Variants in AGBL4 observed in about 807,000 individuals in gnomAD.
The protein encoded by AGBL4 is cytosolic carboxypeptidase 6.
AGBL4 carries 58 observed loss-of-function variants against 66.4 expected under a neutral mutation model. The observed-to-expected ratio is 0.87, with a 90% CI of 0.71 to 1.09. The LOEUF is 1.09. Among genes scored for constraint, AGBL4 ranks in the 50% least tolerant of loss-of-function variants. The pLI is 0.00. For synonymous variants in AGBL4, 234 were observed against 222.9 expected (o/e 1.05, Z -0.44); for missense variants, 579 against 631.0 (o/e 0.92, Z 0.88).
rs548688440 is a variant in AGBL4 at position 48,660,622 on chromosome 1, T to G, written c.724+2530A>C. Among the ~76,000 whole-genome samples the G allele has an allele frequency of 2.0e-5, 3 of 152,140 alleles. No homozygotes were observed. The East Asian group carries it at 5.8e-4, about 29-fold the overall frequency. On this transcript the variant is annotated intron_variant, in intron 7 of 13. Transcript: ENST00000371839. The stretch of plus-strand genomic sequence containing the variant: ...TCAGTTCTGTATTGGTAAAGTGGGG[T>G]AATGATGCCTCTTACACTGCCTCAA...
At chr1:49,441,627 CT>C (rs1172459275) in intron 3 of AGBL4, among the ~76,000 whole-genome samples, 2 of 152,162 alleles carry the variant, frequency 1.3e-5, no homozygotes, top group Admixed American at 1.3e-4. Flanking sequence ...GCACCTGCAT[CT>C]TTGAAGAGCC....
chr1:49,831,317 C>T (rs957619347), intron 2 of AGBL4, among the ~76,000 whole-genome samples: 1 of 152,088 alleles, frequency 6.6e-6, no homozygotes, highest in East Asian at 1.9e-4. Context: ...TTGAAGAGGT[C>T]CTTCACATCC....
intron 3 of AGBL4, among the ~76,000 whole-genome samples, chr1:49,654,937 T>C (rs566326003): frequency 6.6e-6 from 1 of 152,328 alleles, no homozygotes; most frequent in Admixed American, 6.5e-5. Context: ...AGGTTCATAT[T>C]GTTATGTGTG....
rs530356453 is a variant in AGBL4, at chr1:49,928,788, A to G, written c.35-77270T>C. Among the ~76,000 whole-genome samples, 35 of 152,042 alleles carry G rather than the reference A, an allele frequency of 2.3e-4. 1 individual carries two copies. Among genetic ancestry groups the G allele is most frequent in the African/African-American group, 7.5e-4 (31 of 41,478 alleles). On this transcript the variant is annotated intron_variant, in intron 1 of 13. Transcript: ENST00000371839. ...TCAAAGAACCAACAGTTGACCCACCATTTGACCCTGTATCCCATTACCGGT... is the reference window on the plus strand; with the variant it reads ...TCAAAGAACCAACAGTTGACCCACCGTTTGACCCTGTATCCCATTACCGGT...
chr1:48,701,170 T>C (rs1035864400), intron 6 of AGBL4, among the ~76,000 whole-genome samples: 1 of 152,070 alleles, frequency 6.6e-6, no homozygotes, highest in Non-Finnish European at 1.5e-5. Flanking sequence ...CCTCAGTCCC[T>C]CCCCTTTAAG....
At chr1:48,526,736 T>C in the AGBL4 span, among the ~76,000 whole-genome samples, 3 of 151,780 alleles carry the variant, frequency 2.0e-5, no homozygotes, top group Non-Finnish European at 4.4e-5. Context: ...AGCAATGTTT[T>C]TACTAGTAGT....
intron 7 of AGBL4, among the ~76,000 whole-genome samples, chr1:48,659,765 A>G (rs2148451726): frequency 6.6e-6 from 1 of 152,340 alleles, no homozygotes; most frequent in South Asian, 2.1e-4. Flanking sequence ...ACCAGGTACA[A>G]AGTGCCTCAT....
At chr1:49,634,963 A>C (rs753997239) in intron 3 of AGBL4, among the ~76,000 whole-genome samples, 4 of 152,350 alleles carry the variant, frequency 2.6e-5, no homozygotes, top group Non-Finnish European at 5.9e-5. Flanking sequence ...AATTCCAAAG[A>C]GGCAACTTTC....
intron 6 of AGBL4, among the ~76,000 whole-genome samples, chr1:48,763,767 C>G (rs898151093): frequency 2.0e-5 from 3 of 152,168 alleles, no homozygotes; most frequent in Non-Finnish European, 4.4e-5. Flanking sequence ...AACCTCAGAT[C>G]ATCCGATTCT....
chr1:48,908,504 T>C (rs1311831960), intron 5 of AGBL4, among the ~76,000 whole-genome samples: 4 of 152,236 alleles, frequency 2.6e-5, no homozygotes, highest in Non-Finnish European at 4.4e-5. Context: ...ACAAATGTCT[T>C]GTTTATTCCA....
chr1:49,300,726 C>G (rs1000265018), intron 3 of AGBL4, among the ~76,000 whole-genome samples: 1 of 152,188 alleles, frequency 6.6e-6, no homozygotes. Context: ...CTGCATACCT[C>G]TCCAGATTAA....
chr1:48,710,872 A>G (rs1646955143), intron 6 of AGBL4, among the ~76,000 whole-genome samples: 1 of 152,136 alleles, frequency 6.6e-6, no homozygotes, highest in Non-Finnish European at 1.5e-5. Context: ...GATGGCTGGA[A>G]TTCGCCACCC....
At chr1:48,955,634 G>A (rs1171834655) in intron 5 of AGBL4, among the ~76,000 whole-genome samples, 3 of 152,036 alleles carry the variant, frequency 2.0e-5, no homozygotes, top group Non-Finnish European at 2.9e-5. Flanking sequence ...CCTCCCACCC[G>A]GGCCTCCAAA....
chr1:49,309,344 A>G (rs768695631), intron 3 of AGBL4, among the ~76,000 whole-genome samples: 2 of 152,160 alleles, frequency 1.3e-5, no homozygotes, highest in Non-Finnish European at 2.9e-5. Flanking sequence ...ATAAAAATGC[A>G]TACTTGCAGA....
chr1:49,659,056 A>T (rs983201001), intron 3 of AGBL4, among the ~76,000 whole-genome samples: 1 of 152,156 alleles, frequency 6.6e-6, no homozygotes, highest in African/African-American at 2.4e-5. Flanking sequence ...TGTATATCCA[A>T]CAAAACTAGC....
chr1:49,094,814 A>G (rs1351252036), intron 4 of AGBL4, among the ~76,000 whole-genome samples: 1 of 152,180 alleles, frequency 6.6e-6, no homozygotes, highest in Admixed American at 6.5e-5. Flanking sequence ...CCTATTCAAC[A>G]TAGTGTTGGA....
At chr1:48,690,644 C>T (rs1461345830) in intron 6 of AGBL4, among the ~76,000 whole-genome samples, 1 of 151,724 alleles carries the variant, frequency 6.6e-6, no homozygotes, top group Admixed American at 6.6e-5. Context: ...TACTTACGTC[C>T]TATTTTTCCA....
At chr1:49,494,421 C>A (rs1265817684) in intron 3 of AGBL4, among the ~76,000 whole-genome samples, 1 of 151,990 alleles carries the variant, frequency 6.6e-6, no homozygotes, top group Non-Finnish European at 1.5e-5. Flanking sequence ...GCTATCCCTC[C>A]CCTCTCCCCG....
chr1:49,524,334 A>G (rs1405003810), intron 3 of AGBL4, among the ~76,000 whole-genome samples: 3 of 152,122 alleles, frequency 2.0e-5, no homozygotes, highest in African/African-American at 4.8e-5. Context: ...AGACAGGGTA[A>G]GTAACTTGTC....
Sources: allele counts gnomAD v4.1 joint callset (sites outside exome capture counted in the v4.1 genomes callset), GRCh38; gene constraint gnomAD v4.1.1; transcripts MANE v1.5; gene names NCBI Gene and HGNC (gene_info 2026-07-23, HGNC 2026-07-21).